The following LRRC3B variants were observed in gnomAD, a reference collection of about 807,000 sequenced individuals.
LRRC3B encodes leucine-rich repeat-containing protein 3B.
A neutral mutation model predicts 12.8 loss-of-function variants in LRRC3B; 2 were observed. The ratio of observed to expected loss-of-function variants is 0.16; its 90% CI spans 0.06 to 0.49. The LOEUF (loss-of-function observed/expected upper bound fraction) is 0.49, where lower values mean the gene tolerates loss of function less well. Ranked by LOEUF, LRRC3B falls within the 20% of genes least tolerant of loss-of-function variation. The pLI, the probability that LRRC3B is intolerant of heterozygous loss-of-function variation, is 0.96. For missense variants in LRRC3B, 189 were observed against 319.4 expected (o/e 0.59, Z 3.11); for synonymous variants, 132 against 122.0 (o/e 1.08, Z -0.54).
chr3:26,628,399 A>C (rs1035422339), intron 1 of LRRC3B, among the ~76,000 whole-genome samples: 22 of 139,144 alleles, frequency 1.6e-4, no homozygotes, highest in African/African-American at 6.1e-4. Context: ...AAGGTTCTGT[A>C]GAAAGAGTTT....
chr3:26,658,595 C>T (rs774645998), intron 1 of LRRC3B, among the ~76,000 whole-genome samples: 5 of 152,184 alleles, frequency 3.3e-5, no homozygotes, highest in African/African-American at 1.2e-4. Context: ...CTGTTCTTAT[C>T]AAAGCCTCAT....
intron 1 of LRRC3B, among the ~76,000 whole-genome samples, chr3:26,674,549 T>C (rs1018897704): frequency 6.6e-6 from 1 of 152,190 alleles, no homozygotes; most frequent in Non-Finnish European, 1.5e-5. Context: ...AATAAAAACA[T>C]TCTATCTATT....
At chr3:26,698,346 A>G (rs1217232691) in intron 1 of LRRC3B, among the ~76,000 whole-genome samples, 1 of 152,166 alleles carries the variant, frequency 6.6e-6, no homozygotes, top group Non-Finnish European at 1.5e-5. Context: ...TGTGATCTCC[A>G]TATTGGCCAA....
At chr3:26,646,598 TAA>T (rs529066996) in intron 1 of LRRC3B, among the ~76,000 whole-genome samples, 26,888 of 99,804 alleles carry the variant, frequency 0.27, 4,112 homozygotes, top group African/African-American at 0.4. Flanking sequence ...GGATAGGAGG[TAA>T]AAAAAAAAAA....
At chr3:26,631,630 T>G (rs1016048856) in intron 1 of LRRC3B, among the ~76,000 whole-genome samples, 2 of 152,224 alleles carry the variant, frequency 1.3e-5, no homozygotes, top group Non-Finnish European at 2.9e-5. Flanking sequence ...GTTTGTTCTA[T>G]TTGATGAAAT....
At chr3:26,686,144 A>G (rs770520653) in intron 1 of LRRC3B, among the ~76,000 whole-genome samples, 33 of 151,936 alleles carry the variant, frequency 2.2e-4, no homozygotes, top group Non-Finnish European at 4.1e-4. Context: ...CAGTGGTGCA[A>G]TTGTGGCTCA....
intron 1 of LRRC3B, among the ~76,000 whole-genome samples, chr3:26,625,983 T>C (rs928934530): frequency 2.6e-5 from 4 of 152,174 alleles, no homozygotes; most frequent in African/African-American, 9.7e-5. Context: ...GAACACTGAG[T>C]GTGTCCCATA....
intron 1 of LRRC3B, among the ~76,000 whole-genome samples, chr3:26,628,444 A>G (rs1698678075): frequency 6.7e-6 from 1 of 149,502 alleles, no homozygotes; most frequent in African/African-American, 2.4e-5. Context: ...AAAAAAGCTC[A>G]GAGTAGGACC....
intron 1 of LRRC3B, among the ~76,000 whole-genome samples, chr3:26,651,861 T>A (rs1016027279): frequency 2.6e-5 from 4 of 152,200 alleles, no homozygotes; most frequent in African/African-American, 9.7e-5. Flanking sequence ...TGGACATATA[T>A]TGAGAGTTTA....
chr3:26,668,710 G>A (rs1240029662), intron 1 of LRRC3B, among the ~76,000 whole-genome samples: 1 of 152,084 alleles, frequency 6.6e-6, no homozygotes, highest in Non-Finnish European at 1.5e-5. Flanking sequence ...AATAATTATT[G>A]TTAAAAGTTT....
chr3:26,676,271 C>CCCCTT (rs1699859527), intron 1 of LRRC3B, among the ~76,000 whole-genome samples: 1 of 138,320 alleles, frequency 7.2e-6, no homozygotes, highest in African/African-American at 2.7e-5. Flanking sequence ...GTGTGATGTT[C>CCCCTT]CCCTTCCTGT....
chr3:26,634,863 G>A (rs1698832695), intron 1 of LRRC3B, among the ~76,000 whole-genome samples: 1 of 152,158 alleles, frequency 6.6e-6, no homozygotes. Flanking sequence ...GCTTCATTGG[G>A]CCTGGTTAAA....
At chr3:26,643,254 G>A (rs60271566) in intron 1 of LRRC3B, among the ~76,000 whole-genome samples, 31,396 of 123,854 alleles carry the variant, frequency 0.25, 3,427 homozygotes, top group South Asian at 0.32. Flanking sequence ...ACATATGTGT[G>A]AGTGTGTGTG....
At chr3:26,653,889 G>C (rs913581897) in intron 1 of LRRC3B, among the ~76,000 whole-genome samples, 1 of 152,154 alleles carries the variant, frequency 6.6e-6, no homozygotes, top group Non-Finnish European at 1.5e-5. Flanking sequence ...AGTTTATAAA[G>C]AAGTGAATTA....
At position 26,636,891 on chromosome 3, in the gene LRRC3B, T is replaced by TTC. The variant is rs1380230740; in HGVS notation, c.-161+13654_-161+13655insTC. On this transcript the variant is annotated intron_variant, in intron 1 of 1. Coordinates refer to ENST00000396641, the Ensembl canonical transcript of LRRC3B. The stretch of plus-strand genomic sequence containing the variant: ...CTTCCTTCCTTCCTTCCTTCCTTTC[T>TTC]CTCTCTCTCTCTTTCTCTCTTTCTC... Among the ~76,000 whole-genome samples the TTC allele has an allele frequency of 9.6e-3, 707 of 73,676 alleles. 12 individuals carry two copies. Among genetic ancestry groups the TTC allele is most frequent in the Non-Finnish European group, 0.012 (517 of 43,156 alleles). The allele number at this position is 73,676 out of a possible 152,430, so 48.3% of individuals were successfully genotyped here.
intron 1 of LRRC3B, among the ~76,000 whole-genome samples, chr3:26,671,415 C>CAGAGAGAGAGA (rs1699745214): frequency 2.5e-5 from 1 of 40,176 alleles, no homozygotes; most frequent in Non-Finnish European, 5.3e-5. Context: ...GAGAGAGAGA[C>CAGAGAGAGAGA]GAAGTCTTGC....
intron 1 of LRRC3B, chr3:26,623,614 C>T (rs1284427263): frequency 6.5e-6 from 1 of 152,772 alleles, no homozygotes; most frequent in South Asian, 2.1e-4. Context: ...ACTTTTCACT[C>T]CCCGCAGCTC....
intron 1 of LRRC3B, among the ~76,000 whole-genome samples, chr3:26,691,243 G>T (rs1007879866): frequency 2.0e-5 from 3 of 151,100 alleles, no homozygotes; most frequent in African/African-American, 7.3e-5. Context: ...AGAGAATGAA[G>T]AATCTAAATC....
intron 1 of LRRC3B, among the ~76,000 whole-genome samples, chr3:26,705,277 C>G (rs149603114): frequency 1.3e-5 from 2 of 151,914 alleles, no homozygotes; most frequent in East Asian, 3.9e-4. Flanking sequence ...AAAATATGAG[C>G]GAAATATGAG....
Sources: allele counts gnomAD v4.1 joint callset (sites outside exome capture counted in the v4.1 genomes callset), GRCh38; gene constraint gnomAD v4.1.1; transcripts MANE v1.5; gene names NCBI Gene and HGNC (gene_info 2026-07-23, HGNC 2026-07-21).